Variants in ANKRD12 observed in about 807,000 individuals in gnomAD.
ANKRD12 encodes the protein ankyrin repeat domain-containing protein 12.
A neutral mutation model predicts 183.4 loss-of-function variants in ANKRD12; 85 were observed. The observed-to-expected ratio is 0.46, with a 90% CI of 0.39 to 0.56. The LOEUF is 0.56. Among genes scored for constraint, ANKRD12 ranks in the 20% least tolerant of loss-of-function variants. The pLI, the probability that ANKRD12 is intolerant of heterozygous loss-of-function variation, is 0.00. For missense variants in ANKRD12, 2,405 were observed against 2,357.1 expected (o/e 1.02, Z -0.42); for synonymous variants, 914 against 800.2 (o/e 1.14, Z -2.40).
intron 8 of ANKRD12, among the ~76,000 whole-genome samples, chr18:9,243,480 AAC>A (rs1297777493): frequency 1.2e-4 from 18 of 152,228 alleles, no homozygotes; most frequent in African/African-American, 4.3e-4. Flanking sequence ...AGCATGAACA[AAC>A]ACAACGGTTG....
intron 3 of ANKRD12, among the ~76,000 whole-genome samples, chr18:9,198,560 T>C (rs1274989640): frequency 6.6e-6 from 1 of 152,130 alleles, no homozygotes; most frequent in East Asian, 1.9e-4. Context: ...ATGATAACTA[T>C]TATTATTTTG....
At chr18:9,189,203 C>A (rs2034298605) in intron 2 of ANKRD12, among the ~76,000 whole-genome samples, 1 of 152,212 alleles carries the variant, frequency 6.6e-6, no homozygotes. Context: ...AAACCAGCTA[C>A]AACATCCCCT....
At chr18:9,239,718 A>G (rs563874216) in intron 8 of ANKRD12, among the ~76,000 whole-genome samples, 2 of 152,364 alleles carry the variant, frequency 1.3e-5, no homozygotes, top group South Asian at 4.1e-4. Context: ...AACTGCCCAT[A>G]GATGTTTGTA....
intron 1 of ANKRD12, among the ~76,000 whole-genome samples, chr18:9,163,856 A>G (rs1330283857): frequency 6.6e-6 from 1 of 152,108 alleles, no homozygotes; most frequent in Non-Finnish European, 1.5e-5. Flanking sequence ...TAGGAATGGT[A>G]GTGATTATTG....
At chr18:9,161,343 CTCTATT>C (rs997242100) in intron 1 of ANKRD12, among the ~76,000 whole-genome samples, 2 of 151,124 alleles carry the variant, frequency 1.3e-5, no homozygotes, top group African/African-American at 4.9e-5. Context: ...CCTTTTTTTT[CTCTATT>C]TCTGTTTTTA....
chr18:9,238,543 G>A (rs1567951727), intron 8 of ANKRD12, among the ~76,000 whole-genome samples: 1 of 152,208 alleles, frequency 6.6e-6, no homozygotes, highest in South Asian at 2.1e-4. Flanking sequence ...TCATACACTC[G>A]AGAGTCATCT....
intron 8 of ANKRD12, among the ~76,000 whole-genome samples, chr18:9,224,533 C>T (rs1010979160): frequency 1.6e-4 from 24 of 151,812 alleles, no homozygotes; most frequent in South Asian, 4.2e-4. Context: ...AAAAACTGCC[C>T]GATAAAATTG....
intron 8 of ANKRD12, among the ~76,000 whole-genome samples, chr18:9,251,495 C>T (rs948853661): frequency 2.0e-5 from 3 of 151,740 alleles, no homozygotes; most frequent in Non-Finnish European, 2.9e-5. Context: ...TTTTTTTTCA[C>T]GGAGAAGAAA....
chr18:9,261,089 ACTCC>A lies in ANKRD12; in HGVS notation c.5664+2163_5664+2166del, dbSNP rs201419577. On this transcript the variant is annotated intron_variant, in intron 9 of 12. Coordinates refer to ENST00000262126, the MANE Select transcript of ANKRD12 (RefSeq NM_015208.5). ...AGTATTTTTCGAACCCATTTCCTTC[ACTCC>A]CTCCTCCATCTCACACCAACACAAT... Among the ~76,000 whole-genome samples the A allele has an allele frequency of 6.5e-3, 977 of 151,196 alleles. 11 individuals carry two copies. The highest frequency in any genetic ancestry group is 0.023 in the African/African-American group (932 of 41,152).
At position 9,136,806 on chromosome 18, in the gene ANKRD12, A is replaced by T. The variant is rs2078114559; in HGVS notation, c.-211A>T. ...GCGGGGCGACGCTGTCCTGGGAGCG[A>T]GGAGGCTGTGGTGAGAGACGGACCG... On this transcript the variant is annotated 5_prime_UTR_variant, in exon 1 of 13. Coordinates refer to ENST00000262126, the MANE Select transcript of ANKRD12 (RefSeq NM_015208.5). The T allele has an allele frequency of 6.6e-6, 1 of 152,178 alleles. No individual in the cohort carries two copies. The highest frequency in any genetic ancestry group is 1.5e-5 in the Non-Finnish European group (1 of 68,088). The allele number at this position is 152,178 out of a possible 1,614,324, so 9.4% of individuals were successfully genotyped here.
At chr18:9,277,388 C>T (rs2039896821) in intron 11 of ANKRD12, among the ~76,000 whole-genome samples, 1 of 142,100 alleles carries the variant, frequency 7.0e-6, no homozygotes, top group Non-Finnish European at 1.5e-5. Context: ...AGTGCAGTGG[C>T]ACGATCTCGG....
intron 8 of ANKRD12, among the ~76,000 whole-genome samples, chr18:9,239,876 A>G (rs2037558814): frequency 6.6e-6 from 1 of 152,184 alleles, no homozygotes; most frequent in Non-Finnish European, 1.5e-5. Context: ...TCATGTACGT[A>G]GCATTCTAAA....
At position 9,255,464 on chromosome 18, in the gene ANKRD12, G is replaced by A. The variant is rs746855325; in HGVS notation, c.2197G>A (p.Asp733Asn). ...KSKLEKNIKD[D>N]KSTKEKHVSK... ...AAAATTGGAAAAAAACATCAAAGAT[G>A]ATAAATCAACCAAGGAAAAGCATGT... Residue 733 changes from aspartate (D) to asparagine (N), a missense_variant, in exon 9 of 13, where the codon GAT (aspartate) becomes AAT (asparagine). Around this residue, in one of 7 missense-constraint regions of ANKRD12, gnomAD observed 1,983 missense variants for 1,725.9 expected, o/e 1.15. Coordinates refer to ENST00000262126, the MANE Select transcript of ANKRD12 (RefSeq NM_015208.5). 6 of 1,569,602 alleles carry A rather than the reference G, an allele frequency of 3.8e-6. No homozygotes were observed. The highest frequency in any genetic ancestry group is 1.4e-5 in the African/African-American group (1 of 72,050).
intron 1 of ANKRD12, among the ~76,000 whole-genome samples, chr18:9,152,720 C>A (rs1478903560): frequency 2.0e-5 from 3 of 151,836 alleles, no homozygotes; most frequent in Non-Finnish European, 2.9e-5. Context: ...CAAAGGCATC[C>A]ATTTGATTTA....
chr18:9,137,250 G>C (rs1317720517), intron 1 of ANKRD12, among the ~76,000 whole-genome samples: 2 of 147,770 alleles, frequency 1.4e-5, no homozygotes, highest in African/African-American at 4.9e-5. Context: ...CCGGCGTCGC[G>C]AGGAGCCGCG....
chr18:9,234,753 G>A lies in ANKRD12; in HGVS notation c.943+12754G>A, dbSNP rs114843621. ...GGCGGGGAAAGGGGATAGTGACCCA[G>A]TGCAAGTTCCCTGTCTGGTGCAATG... On this transcript the variant is annotated intron_variant, in intron 8 of 12. Coordinates refer to ENST00000262126, the MANE Select transcript of ANKRD12 (RefSeq NM_015208.5). Among the ~76,000 whole-genome samples the A allele has an allele frequency of 7.8e-3, 1,181 of 152,292 alleles. 12 individuals are homozygous for A. Among genetic ancestry groups the A allele is most frequent in the African/African-American group, 0.027 (1,106 of 41,548 alleles).
intron 6 of ANKRD12, among the ~76,000 whole-genome samples, chr18:9,212,926 T>C (rs367981301): frequency 1.3e-5 from 2 of 151,962 alleles, no homozygotes; most frequent in East Asian, 3.8e-4. Context: ...CATTTTCTTT[T>C]GGTTTAGTCC....
intron 1 of ANKRD12, among the ~76,000 whole-genome samples, chr18:9,172,881 C>CT (rs376638275): frequency 3.0e-4 from 45 of 147,918 alleles, no homozygotes; most frequent in Non-Finnish European, 4.4e-4. Context: ...GGTTGCTGAT[C>CT]TTTTTTTTTT....
At chr18:9,237,646 T>C (rs980376656) in intron 8 of ANKRD12, among the ~76,000 whole-genome samples, 1 of 152,204 alleles carries the variant, frequency 6.6e-6, no homozygotes, top group East Asian at 1.9e-4. Flanking sequence ...AAATCAAGAA[T>C]AGTTATATCT....
Sources: allele counts gnomAD v4.1 joint callset (sites outside exome capture counted in the v4.1 genomes callset), GRCh38; gene constraint gnomAD v4.1.1; regional missense constraint gnomAD v4.1.1; transcripts MANE v1.5; gene names NCBI Gene and HGNC (gene_info 2026-07-23, HGNC 2026-07-21).